Variants in GLDC observed in about 807,000 individuals in gnomAD.
GLDC encodes the protein glycine decarboxylase, also known as glycine dehydrogenase (decarboxylating), mitochondrial.
Under a neutral mutation model 121.3 loss-of-function variants are expected in GLDC, and 104 were observed. The ratio of observed to expected loss-of-function variants is 0.86; its 90% CI spans 0.73 to 1.01. GLDC has a LOEUF of 1.01. Ranked by LOEUF, GLDC falls within the 50% of genes least tolerant of loss-of-function variation. The probability of loss-of-function intolerance (pLI) is 0.00; values close to 1 mark genes in which losing one functional copy is unlikely to be tolerated. For synonymous variants in GLDC, 546 were observed against 480.6 expected, an observed-to-expected ratio of 1.14 and a Z score of -1.78; for missense variants, 1,429 against 1,306.6, an observed-to-expected ratio of 1.09 and a Z score of -1.44.
chr9:6,544,835 C>T (rs1817352966), intron 21 of GLDC, among the ~76,000 whole-genome samples: 2 of 152,126 alleles, frequency 1.3e-5, no homozygotes, highest in African/African-American at 4.8e-5. Flanking sequence ...GGCAATGGCT[C>T]ACACCTGTAA....
intron 3 of GLDC, among the ~76,000 whole-genome samples, chr9:6,616,585 C>A (rs1348341718): frequency 2.0e-5 from 3 of 152,136 alleles, no homozygotes; most frequent in African/African-American, 4.8e-5. Context: ...AAAGGCCTGC[C>A]ATCATGTTTA....
chr9:6,550,858 G>C lies in GLDC; in HGVS notation c.2514C>G (p.Asn838Lys), dbSNP rs1390524621. ...GTGTTTCTAATCGCTTGGCCATGTAGTTGGCATTTAATATCGCAGTTTCCG... is the reference window on the plus strand; with the variant it reads ...GTGTTTCTAATCGCTTGGCCATGTACTTGGCATTTAATATCGCAGTTTCCG... ...QATETAILNA[N>K]YMAKRLETHY... Residue 838 changes from asparagine (N) to lysine (K), a missense_variant, in exon 21 of 25, where the codon AAC becomes AAG. Asn to Lys is a moderately conservative substitution (Grantham distance 94). Coordinates refer to ENST00000321612, the MANE Select transcript of GLDC (RefSeq NM_000170.3). 1 of 1,613,880 alleles carries C rather than the reference G, an allele frequency of 6.2e-7. No individual in the cohort carries two copies. Among genetic ancestry groups the C allele is most frequent in the South Asian group, 1.1e-5 (1 of 91,084 alleles).
intron 3 of GLDC, among the ~76,000 whole-genome samples, chr9:6,619,722 C>T (rs1284092490): frequency 1.3e-5 from 2 of 152,086 alleles, no homozygotes; most frequent in African/African-American, 4.8e-5. Flanking sequence ...AGCAAGACTC[C>T]GTCTGGGCAG....
intron 7 of GLDC, among the ~76,000 whole-genome samples, chr9:6,603,532 AAAATAAAT>A (rs147469940): frequency 7.0e-6 from 1 of 142,356 alleles, no homozygotes; most frequent in African/African-American, 2.5e-5. Flanking sequence ...ACTTGGTCTC[AAAATAAAT>A]AAATAAATAA....
In GLDC at chr9:6,536,263, C is replaced by G. The variant is rs760098112; in HGVS notation, c.2666-27G>C. On this transcript the variant is annotated intron_variant, in intron 22 of 24. Transcript: ENST00000321612. ...TGCAAAGGGAGACAGGAGAACTTGC[C>G]TCACTGAAGGTCAGTGGCCTACCCA... The G allele has an allele frequency of 5.0e-6, 8 of 1,605,340 alleles. No individual in the cohort carries two copies. In the African/African-American group the frequency reaches 6.7e-5, roughly 13 times the overall value.
chr9:6,634,814 C>T (rs928470023), intron 2 of GLDC, among the ~76,000 whole-genome samples: 5 of 152,096 alleles, frequency 3.3e-5, no homozygotes, highest in African/African-American at 1.2e-4. Context: ...TTTGGAGGCT[C>T]CCCTTCCCTC....
At chr9:6,570,854 C>CAAAAAA (rs34740127) in intron 15 of GLDC, among the ~76,000 whole-genome samples, 1 of 99,504 alleles carries the variant, frequency 1.0e-5, no homozygotes, top group Non-Finnish European at 2.0e-5. Context: ...AACTCTGTCT[C>CAAAAAA]AAAAAAAAAA....
At chr9:6,549,416 G>A (rs1373526676) in intron 21 of GLDC, among the ~76,000 whole-genome samples, 1 of 152,184 alleles carries the variant, frequency 6.6e-6, no homozygotes, top group African/African-American at 2.4e-5. Flanking sequence ...CCACACGGCA[G>A]CAGGAGGGCC....
chr9:6,625,596 C>T (rs1251539638), intron 2 of GLDC, among the ~76,000 whole-genome samples: 2 of 152,104 alleles, frequency 1.3e-5, no homozygotes, highest in African/African-American at 2.4e-5. Context: ...GGCTATTGTG[C>T]CAAGAGCCAA....
intron 9 of GLDC, 54 bp from the exon 10 acceptor site, chr9:6,593,044 C>A: frequency 6.3e-7 from 1 of 1,576,442 alleles, no homozygotes; most frequent in Non-Finnish European, 8.7e-7. Flanking sequence ...GCTCCTCAGC[C>A]ATTGACATGT....
At chr9:6,594,877 G>A in intron 9 of GLDC, 137 bp downstream of exon 9, 1 of 709,104 alleles carries the variant, frequency 1.4e-6, no homozygotes, top group Non-Finnish European at 2.6e-6. Context: ...AATAATCATG[G>A]ATGTTGAAAG....
chr9:6,613,670 T>C (rs1818907237), intron 3 of GLDC, among the ~76,000 whole-genome samples: 1 of 152,232 alleles, frequency 6.6e-6, no homozygotes, highest in African/African-American at 2.4e-5. Context: ...GTTGAATACT[T>C]TTGATTTCAA....
intron 22 of GLDC, among the ~76,000 whole-genome samples, chr9:6,537,724 A>C (rs1347194459): frequency 6.6e-6 from 1 of 152,106 alleles, no homozygotes; most frequent in Non-Finnish European, 1.5e-5. Context: ...AGCCTGCAGT[A>C]AGTCAAGATC....
At chr9:6,538,643 A>C (rs1417934070) in intron 22 of GLDC, among the ~76,000 whole-genome samples, 1 of 152,194 alleles carries the variant, frequency 6.6e-6, no homozygotes, top group Admixed American at 6.5e-5. Flanking sequence ...TCTTCAAAAC[A>C]ACATTGAGGT....
At chr9:6,589,028 C>G (rs770270028) in intron 12 of GLDC, among the ~76,000 whole-genome samples, 167 bp downstream of exon 12, 13 of 152,190 alleles carry the variant, frequency 8.5e-5, no homozygotes, top group Non-Finnish European at 1.3e-4. Context: ...ACAAAGTGTG[C>G]TTTTCCCAAG....
At chr9:6,594,567 G>A (rs1015664036) in intron 9 of GLDC, among the ~76,000 whole-genome samples, 2 of 152,074 alleles carry the variant, frequency 1.3e-5, no homozygotes, top group Non-Finnish European at 2.9e-5. Flanking sequence ...ATGGTGGCGT[G>A]TACCTTAATC....
chr9:6,563,614 G>GA (rs1476435737), intron 16 of GLDC, among the ~76,000 whole-genome samples: 12 of 152,202 alleles, frequency 7.9e-5, no homozygotes, highest in Non-Finnish European at 1.6e-4. Context: ...CTGATTCTGT[G>GA]AAAGTGCCGA....
intron 12 of GLDC, 38 bp downstream of exon 12, chr9:6,589,157 A>G (rs746108426): frequency 3.2e-6 from 4 of 1,254,098 alleles, no homozygotes; most frequent in East Asian, 2.3e-5. Context: ...GCTGATTACC[A>G]AAGCACAAAA....
intron 15 of GLDC, among the ~76,000 whole-genome samples, chr9:6,585,408 C>T (rs1818249040): frequency 1.3e-5 from 2 of 152,000 alleles, no homozygotes; most frequent in South Asian, 2.1e-4. Flanking sequence ...TCTCTTAAAA[C>T]AAAACAAAAA....
Sources: allele counts gnomAD v4.1 joint callset (sites outside exome capture counted in the v4.1 genomes callset), GRCh38; gene constraint gnomAD v4.1.1; transcripts MANE v1.5; gene names NCBI Gene and HGNC (gene_info 2026-07-23, HGNC 2026-07-21).